Variants in CACNA1B observed in about 807,000 individuals in gnomAD.
CACNA1B encodes calcium voltage-gated channel subunit alpha1 B, also known as voltage-dependent N-type calcium channel subunit alpha-1B.
A neutral mutation model predicts 247.2 loss-of-function variants in CACNA1B; 70 were observed. The ratio of observed to expected loss-of-function variants is 0.28; its 90% CI spans 0.23 to 0.35. CACNA1B has a LOEUF of 0.35. CACNA1B is among the 10% of genes least tolerant of loss of function. CACNA1B has a pLI of 1.00. For missense variants in CACNA1B, 2,367 were observed against 3,197.4 expected (o/e 0.74, Z 6.26); for synonymous variants, 1,231 against 1,294.4 (o/e 0.95, Z 1.05).
At chr9:137,906,973 T>C (rs1020046393) in intron 3 of CACNA1B, among the ~76,000 whole-genome samples, 1 of 152,268 alleles carries the variant, frequency 6.6e-6, no homozygotes, top group Non-Finnish European at 1.5e-5. Context: ...GTCTTCTGAA[T>C]ACAGTCCCCC....
chr9:137,966,903 T>C (rs1402927080), intron 10 of CACNA1B, among the ~76,000 whole-genome samples: 1 of 151,484 alleles, frequency 6.6e-6, no homozygotes, highest in Non-Finnish European at 1.5e-5. Context: ...GATCCTCCTG[T>C]CTCAGCCTCC....
chr9:137,952,168 A>G lies in CACNA1B; in HGVS notation c.967-106A>G. On this transcript the variant is annotated intron_variant, in intron 6 of 46. Coordinates refer to ENST00000371372, the MANE Select transcript of CACNA1B (RefSeq NM_000718.4). The surrounding 1 kb of genome is among the most constrained non-coding windows in gnomAD (Gnocchi z 4.8). ...GCCTCCCCACTGCCTGGACCCTACC[A>G]GGTGTGTGCTTCTGAGAAGGAGGCC... 1.2e-6 allele frequency: 1 copy of G among 815,568 alleles called. No homozygotes were observed. Among genetic ancestry groups the G allele is most frequent in the Non-Finnish European group, 2.1e-6 (1 of 480,486 alleles). The allele number at this position is 815,568 out of a possible 1,614,324, so 50.5% of individuals were successfully genotyped here. A position where few individuals can be genotyped will look rare whatever the true frequency, so the allele number is the denominator to read the frequency against.
At chr9:138,017,295 A>T in intron 18 of CACNA1B, 1 of 475,596 alleles carries the variant, frequency 2.1e-6, no homozygotes, top group Non-Finnish European at 4.3e-6. Flanking sequence ...TCTCACCGCA[A>T]GTCATTTGCT....
In CACNA1B at chr9:138,122,927, A is replaced by AG. The variant is rs1962151610; in HGVS notation, c.*930dup. 6.6e-6 allele frequency: 1 copy of AG among 152,256 alleles called. No individual in the cohort carries two copies. Among genetic ancestry groups the AG allele is most frequent in the Non-Finnish European group, 1.5e-5 (1 of 68,052 alleles). 9.4% of individuals were successfully genotyped at this position (152,256 alleles called of 1,614,324 possible). A position where few individuals can be genotyped will look rare whatever the true frequency, so the allele number is the denominator to read the frequency against. On this transcript the variant is annotated 3_prime_UTR_variant, in exon 47 of 47. Transcript: ENST00000371372. The stretch of plus-strand genomic sequence containing the variant: ...GTGAAAAGTACTCGCGATGGCAGCC[A>AG]GGTAGCAAGCCCTTGCCAGTGGAGA...
In CACNA1B at chr9:137,913,968, C is replaced by A. The variant is rs925238166; in HGVS notation, c.623-686C>A. On this transcript the variant is annotated intron_variant, in intron 4 of 46. Transcript: ENST00000371372. This position sits in a 1 kb window ranked among gnomAD's most constrained non-coding sequence, Gnocchi z 5.2. ...CCCATATCCAAGTGCTGGGGCCAGA[C>A]TCGAAGGGGAGGGGTCAAGGTTTAC... Among the ~76,000 whole-genome samples, 1 of 152,240 alleles carries A rather than the reference C, an allele frequency of 6.6e-6. No individual in the cohort carries two copies. The highest frequency in any genetic ancestry group is 2.4e-5 in the African/African-American group (1 of 41,460).
chr9:137,901,567 T>C (rs1957240141), intron 3 of CACNA1B, among the ~76,000 whole-genome samples: 1 of 152,206 alleles, frequency 6.6e-6, no homozygotes, highest in South Asian at 2.1e-4. Flanking sequence ...CAGAGTGGAC[T>C]GGGTACAAGT....
chr9:137,980,793 A>G (rs1958285139), intron 12 of CACNA1B, among the ~76,000 whole-genome samples: 1 of 152,176 alleles, frequency 6.6e-6, no homozygotes, highest in Admixed American at 6.5e-5. Context: ...TTCACTTAGG[A>G]TAATGGCCTC....
chr9:137,988,002 T>A (rs1051238416), intron 15 of CACNA1B, among the ~76,000 whole-genome samples: 4 of 152,250 alleles, frequency 2.6e-5, no homozygotes, highest in African/African-American at 9.6e-5. Flanking sequence ...TCCTCTCCTC[T>A]TATTCCTCGA....
chr9:138,027,104 TA>T (rs1292114924), intron 20 of CACNA1B, among the ~76,000 whole-genome samples: 2 of 152,288 alleles, frequency 1.3e-5, no homozygotes, highest in Non-Finnish European at 1.5e-5. Context: ...ACCCACTTTT[TA>T]TTCTGGCTGT....
rs1960169083 is a variant in CACNA1B, at chr9:138,072,567, T to C, written c.4675-921T>C. Among the ~76,000 whole-genome samples, 1 of 152,256 alleles carries C rather than the reference T, an allele frequency of 6.6e-6. No individual in the cohort carries two copies. The highest frequency in any genetic ancestry group is 2.4e-5 in the African/African-American group (1 of 41,470). ...TTAAAATGCTGCAGTGGCAGGAAGC[T>C]GCTCTCAGGCTGTGTGTGGGCACCT... On this transcript the variant is annotated intron_variant, in intron 32 of 46. Coordinates refer to ENST00000371372, the MANE Select transcript of CACNA1B (RefSeq NM_000718.4). The surrounding 1 kb of genome is among the most constrained non-coding windows in gnomAD (Gnocchi z 4.5).
intron 36 of CACNA1B, among the ~76,000 whole-genome samples, chr9:138,083,968 A>G (rs1241714074): frequency 6.6e-6 from 1 of 150,940 alleles, no homozygotes; most frequent in Non-Finnish European, 1.5e-5. Context: ...CTATTGGTTC[A>G]GGTTCCTGAA....
At chr9:137,975,493 A>G (rs1958208793) in intron 11 of CACNA1B, among the ~76,000 whole-genome samples, 1 of 151,512 alleles carries the variant, frequency 6.6e-6, no homozygotes, top group Non-Finnish European at 1.5e-5. Context: ...GATTGGGGTG[A>G]GGCCAGAGGC....
At chr9:138,041,252 C>G (rs1959117528) in intron 20 of CACNA1B, among the ~76,000 whole-genome samples, 1 of 152,176 alleles carries the variant, frequency 6.6e-6, no homozygotes, top group Non-Finnish European at 1.5e-5. Context: ...GGACTCCTAC[C>G]TGTGCACTGG....
intron 26 of CACNA1B, among the ~76,000 whole-genome samples, chr9:138,056,208 A>AT (rs544233203): frequency 3.9e-5 from 6 of 152,186 alleles, no homozygotes; most frequent in African/African-American, 1.4e-4. Context: ...TCAAAAAAAA[A>AT]GAAAAACCCG....
chr9:138,023,837 G>C (rs1483695450), intron 19 of CACNA1B, 26 bp downstream of exon 19: 1 of 1,169,512 alleles, frequency 8.6e-7, no homozygotes, highest in East Asian at 2.6e-5. Flanking sequence ...GGCGGGGTCA[G>C]GGAGGGAAGG....
At chr9:138,047,307 C>T (rs2133481377) in intron 22 of CACNA1B, 92 bp from the exon 23 acceptor site, 1 of 970,172 alleles carries the variant, frequency 1.0e-6, no homozygotes, top group South Asian at 1.4e-5. Context: ...GCTGACTGCT[C>T]AGAGGCCTGG....
In CACNA1B at chr9:138,120,212, C is replaced by A; in HGVS notation, c.6078C>A (p.Ala2026=). ...SPMKRSISTL[A]QRPRGTHLCS... Reference sequence around the variant, plus strand: ...TGAAGCGCTCCATCTCCACGCTGGCCCAGCGGCCCCGTGGGACTCATCTTT... The same window carrying A: ...TGAAGCGCTCCATCTCCACGCTGGCACAGCGGCCCCGTGGGACTCATCTTT... The change falls in exon 45 of 47, where the codon GCC becomes GCA. Residue 2026 remains alanine, a synonymous_variant. Transcript: ENST00000371372. The A allele has an allele frequency of 6.2e-7, 1 of 1,608,840 alleles. No homozygotes were observed. Among genetic ancestry groups the A allele is most frequent in the Non-Finnish European group, 8.5e-7 (1 of 1,178,310 alleles).
chr9:137,945,822 T>C (rs1957789461), intron 6 of CACNA1B, among the ~76,000 whole-genome samples: 1 of 152,166 alleles, frequency 6.6e-6, no homozygotes. Context: ...AACATCCCTA[T>C]TTTATTTCTT....
At position 137,999,318 on chromosome 9, in the gene CACNA1B, A is replaced by G. The variant is rs1364655323; in HGVS notation, c.1975-7449A>G. On this transcript the variant is annotated intron_variant, in intron 15 of 46. Coordinates refer to ENST00000371372, the MANE Select transcript of CACNA1B (RefSeq NM_000718.4). ...TTAGATAAGCAGGCACCGTTAATGAAAAGTCATTTAATATCTTTCCCATAT... is the reference window on the plus strand; with the variant it reads ...TTAGATAAGCAGGCACCGTTAATGAGAAGTCATTTAATATCTTTCCCATAT... Among the ~76,000 whole-genome samples the G allele has an allele frequency of 2.6e-5, 4 of 152,182 alleles. No homozygotes were observed. In the South Asian group the frequency reaches 6.2e-4, roughly 24 times the overall value.
Sources: allele counts gnomAD v4.1 joint callset (sites outside exome capture counted in the v4.1 genomes callset), GRCh38; gene constraint gnomAD v4.1.1; non-coding constraint Gnocchi (gnomAD v3.1); transcripts MANE v1.5; gene names NCBI Gene and HGNC (gene_info 2026-07-23, HGNC 2026-07-21).